The following ACSL1 variants were observed in gnomAD, a reference collection of about 807,000 sequenced individuals.
The protein encoded by ACSL1 is acyl-CoA synthetase long chain family member 1, also known as long-chain-fatty-acid--CoA ligase 1.
ACSL1 carries 41 observed loss-of-function variants against 98.4 expected under a neutral mutation model. The ratio of observed to expected loss-of-function variants is 0.42; its 90% CI spans 0.32 to 0.54. The LOEUF (loss-of-function observed/expected upper bound fraction) is 0.54, where lower values mean the gene tolerates loss of function less well. Among genes scored for constraint, ACSL1 ranks in the 20% least tolerant of loss-of-function variants. ACSL1 has a pLI of 0.13. For missense variants in ACSL1, 734 were observed against 883.1 expected (o/e 0.83, Z 2.14); for synonymous variants, 316 against 322.7 (o/e 0.98, Z 0.22).
In ACSL1 at chr4:184,757,631, A is replaced by G. The variant is rs374193110; in HGVS notation, c.1956+4T>C. 4.3e-6 allele frequency: 7 copies of G among 1,612,596 alleles called. No homozygotes were observed. The highest frequency in any genetic ancestry group is 5.1e-6 in the Non-Finnish European group (6 of 1,179,470). ...GAATTCACCCACTCAGATGAAGGTC[A>G]TACCTGTTCAAATGGTTTCAGACCA... On this transcript the variant is annotated splice_donor_region_variant and intron_variant, in intron 20 of 20. Coordinates refer to ENST00000281455, the MANE Select transcript of ACSL1 (RefSeq NM_001995.5). This position sits in a 1 kb window ranked among gnomAD's most constrained non-coding sequence, Gnocchi z 4.5.
At chr4:184,810,792 T>C (rs1040821895) in intron 1 of ACSL1, among the ~76,000 whole-genome samples, 6 of 152,144 alleles carry the variant, frequency 3.9e-5, no homozygotes, top group Non-Finnish European at 7.3e-5. Context: ...ATGAGTTTGT[T>C]AGGAGCCACT....
At chr4:184,797,994 A>T (rs1769744132) in intron 2 of ACSL1, among the ~76,000 whole-genome samples, 1 of 152,234 alleles carries the variant, frequency 6.6e-6, no homozygotes, top group Non-Finnish European at 1.5e-5. Context: ...ATATGCTAAC[A>T]TATGGATGTA....
At chr4:184,790,069 G>C (rs1382001400) in intron 2 of ACSL1, among the ~76,000 whole-genome samples, 1 of 152,092 alleles carries the variant, frequency 6.6e-6, no homozygotes, top group African/African-American at 2.4e-5. Context: ...AAAGAAGTGT[G>C]GAAAAGCTAG....
chr4:184,768,782 T>C (rs1764021263), intron 11 of ACSL1, among the ~76,000 whole-genome samples: 1 of 152,144 alleles, frequency 6.6e-6, no homozygotes, highest in Non-Finnish European at 1.5e-5. Context: ...TCTAAATATT[T>C]TTAGTGGCTG....
chr4:184,788,363 G>GT (rs2150378004), intron 3 of ACSL1: 3 of 592,670 alleles, frequency 5.1e-6, no homozygotes, highest in Non-Finnish European at 9.5e-6. Flanking sequence ...GTGCACTGGT[G>GT]TAACATGTGA....
rs1184361997 is a variant in ACSL1 at position 184,825,553 on chromosome 4, C to T, written c.-33+363G>A. Among the ~76,000 whole-genome samples the T allele has an allele frequency of 6.6e-6, 1 of 151,580 alleles. No individual in the cohort carries two copies. On this transcript the variant is annotated intron_variant, in intron 1 of 20. Transcript: ENST00000281455. This position sits in a 1 kb window ranked among gnomAD's most constrained non-coding sequence, Gnocchi z 4.7. Reference sequence around the variant, plus strand: ...CAGCGGCCCAGCTGGGCCACCTCCTCCCAGCCGAAGCGCGGCCTCCGGCTG... The same window carrying T: ...CAGCGGCCCAGCTGGGCCACCTCCTTCCAGCCGAAGCGCGGCCTCCGGCTG...
At position 184,793,069 on chromosome 4, in the gene ACSL1, C is replaced by T. The variant is rs190284813; in HGVS notation, c.196-4338G>A. Among the ~76,000 whole-genome samples, 4 of 152,026 alleles carry T rather than the reference C, an allele frequency of 2.6e-5. No homozygotes were observed. The East Asian group carries it at 7.7e-4, about 29-fold the overall frequency. On this transcript the variant is annotated intron_variant, in intron 2 of 20. Coordinates refer to ENST00000281455, the MANE Select transcript of ACSL1 (RefSeq NM_001995.5). The stretch of plus-strand genomic sequence containing the variant: ...GCTTGGGCTCAAGAAACAGGGCAAG[C>T]AAAGCAGACAACCCCAGCTGAATGT...
At chr4:184,817,215 T>C (rs1358693752) in intron 1 of ACSL1, among the ~76,000 whole-genome samples, 1 of 152,110 alleles carries the variant, frequency 6.6e-6, no homozygotes, top group Admixed American at 6.6e-5. Flanking sequence ...TTTTAAAAAA[T>C]GGCATTCAGA....
intron 3 of ACSL1, among the ~76,000 whole-genome samples, chr4:184,785,023 ACGGGCGCACTGCAGCCAAGGGCCAAAT>A (rs1310844940): frequency 6.6e-6 from 1 of 152,194 alleles, no homozygotes; most frequent in Non-Finnish European, 1.5e-5. Context: ...AAAAACAGAG[ACGGGCGCACTGCAGCCAAGGGCCAAAT>A]CAGGCCCACT....
chr4:184,804,133 C>G (rs1410642915), intron 1 of ACSL1, among the ~76,000 whole-genome samples: 2 of 152,234 alleles, frequency 1.3e-5, no homozygotes, highest in African/African-American at 4.8e-5. Context: ...AGTTGGCTAT[C>G]TGGTAAGATG....
chr4:184,796,724 A>G (rs1769441585), intron 2 of ACSL1, among the ~76,000 whole-genome samples: 1 of 152,258 alleles, frequency 6.6e-6, no homozygotes, highest in Non-Finnish European at 1.5e-5. Context: ...GAAGTCTCAC[A>G]CAGGCTTCTA....
chr4:184,791,349 G>A (rs1768326650), intron 2 of ACSL1, among the ~76,000 whole-genome samples: 1 of 152,236 alleles, frequency 6.6e-6, no homozygotes, highest in Non-Finnish European at 1.5e-5. Flanking sequence ...GAGCAGAAGA[G>A]TGCAGGGAGA....
intron 11 of ACSL1, 152 bp from the exon 12 acceptor site, chr4:184,768,602 AT>A: frequency 1.8e-6 from 2 of 1,104,846 alleles, no homozygotes; most frequent in Non-Finnish European, 2.5e-6. Flanking sequence ...AAAAATGTGC[AT>A]TTACTAGTCA....
At position 184,825,464 on chromosome 4, in the gene ACSL1, G is replaced by T. The variant is rs775293045; in HGVS notation, c.-33+452C>A. 1.4e-4 allele frequency among the ~76,000 whole-genome samples: 22 copies of T among 151,956 alleles called. No individual in the cohort carries two copies. The highest frequency in any genetic ancestry group is 2.9e-4 in the Non-Finnish European group (20 of 67,934). ...GGGCGCGAGTGCAGTCTCGCCCCAC[G>T]CGCGGTCCGAACGCCCGCGAGCCCG... is the stretch of plus-strand genomic sequence containing the variant. On this transcript the variant is annotated intron_variant, in intron 1 of 20. Transcript: ENST00000281455. The surrounding 1 kb of genome is among the most constrained non-coding windows in gnomAD (Gnocchi z 4.7).
chr4:184,820,116 AC>A (rs1431640754), intron 1 of ACSL1, among the ~76,000 whole-genome samples: 4 of 151,792 alleles, frequency 2.6e-5, no homozygotes, highest in East Asian at 1.9e-4. Flanking sequence ...TGGCCAAGTC[AC>A]CCCCCTCCGA....
intron 3 of ACSL1, among the ~76,000 whole-genome samples, chr4:184,784,250 A>T (rs1301771084): frequency 6.6e-6 from 1 of 152,148 alleles, no homozygotes; most frequent in African/African-American, 2.4e-5. Context: ...TCCAACTCTT[A>T]AGGGCACTTA....
rs1263865976 is a variant in ACSL1, at chr4:184,766,629, T to C, written c.1256A>G (p.Lys419Arg). The C allele has an allele frequency of 5.6e-6, 9 of 1,614,006 alleles. No homozygotes were observed. Among genetic ancestry groups the C allele is most frequent in the Non-Finnish European group, 7.6e-6 (9 of 1,179,934 alleles). ...NSLWDRLIFH[K>R]VQSSLGGRVR... The stretch of plus-strand genomic sequence containing the variant: ...CTGTGAGTCACGTGTTACCTGTACT[T>C]TGTGGAAGATCAGCCGGTCCCACAG... The change falls in exon 13 of 21, where the codon AAA (lysine) becomes AGA (arginine). Residue 419 changes from lysine (K) to arginine (R), a missense_variant. Transcript: ENST00000281455. This position sits in a 1 kb window ranked among gnomAD's most constrained non-coding sequence, Gnocchi z 4.8.
chr4:184,779,075 T>C (rs1015256666), intron 5 of ACSL1, among the ~76,000 whole-genome samples: 175 of 152,342 alleles, frequency 1.1e-3, no homozygotes, highest in African/African-American at 4.1e-3. Flanking sequence ...TACTAATCTA[T>C]TGAGTCATAC....
At chr4:184,813,029 CAAACA>C (rs377037417) in intron 1 of ACSL1, among the ~76,000 whole-genome samples, 16 of 152,206 alleles carry the variant, frequency 1.1e-4, no homozygotes, top group African/African-American at 2.6e-4. Context: ...TTCTCCAGAG[CAAACA>C]AAACAAAACA....
Sources: allele counts gnomAD v4.1 joint callset (sites outside exome capture counted in the v4.1 genomes callset), GRCh38; gene constraint gnomAD v4.1.1; non-coding constraint Gnocchi (gnomAD v3.1); transcripts MANE v1.5; gene names NCBI Gene and HGNC (gene_info 2026-07-23, HGNC 2026-07-21).